Variants in MLH3 observed in about 807,000 individuals in gnomAD.
The protein encoded by MLH3 is mutL homolog 3.
In MLH3, 82 loss-of-function variants were observed where a neutral mutation model predicts 122.2. The observed-to-expected ratio is 0.67, with a 90% CI of 0.56 to 0.81. MLH3 has a LOEUF of 0.81. MLH3 is among the 30% of genes least tolerant of loss of function. The pLI, the probability that MLH3 is intolerant of heterozygous loss-of-function variation, is 0.00. For synonymous variants in MLH3, 524 were observed against 599.5 expected (o/e 0.87, Z 1.84); for missense variants, 1,539 against 1,714.5 (o/e 0.90, Z 1.81).
chr14:75,017,263 G>GATTACAGGTGTGAGTCACCTCGCCCAGC, intron 12 of MLH3, 62 bp from the exon 13 acceptor site: 1 of 1,562,606 alleles, frequency 6.4e-7, no homozygotes, highest in Non-Finnish European at 8.8e-7. Context: ...TACAGGCTGG[G>GATTACAGGTGTGAGTCACCTCGCCCAGC]CGAGGTGACT....
intron 9 of MLH3, among the ~76,000 whole-genome samples, chr14:75,028,711 C>T (rs1480604790): frequency 6.6e-6 from 1 of 151,690 alleles, no homozygotes; most frequent in Non-Finnish European, 1.5e-5. Flanking sequence ...AGCCACTGCA[C>T]CTGGCCTGAT....
At chr14:75,028,598 A>G (rs1890817370) in intron 9 of MLH3, among the ~76,000 whole-genome samples, 1 of 151,430 alleles carries the variant, frequency 6.6e-6, no homozygotes, top group South Asian at 2.1e-4. Context: ...TTTAATTTTT[A>G]GTAGAGACGG....
At chr14:75,036,543 G>C (rs1891425519) in intron 6 of MLH3, 1 of 391,854 alleles carries the variant, frequency 2.6e-6, no homozygotes, top group Non-Finnish European at 5.1e-6. Flanking sequence ...CAGCGTTTCA[G>C]CATGTTGGCC....
chr14:75,042,860 C>A (rs1057191739), intron 2 of MLH3, among the ~76,000 whole-genome samples: 2 of 151,810 alleles, frequency 1.3e-5, no homozygotes, highest in African/African-American at 4.8e-5. Flanking sequence ...ACTGCAACTT[C>A]CGCCTCCCGG....
intron 7 of MLH3, 24 bp downstream of exon 7, chr14:75,033,395 T>C: frequency 6.2e-7 from 1 of 1,611,586 alleles, no homozygotes; most frequent in Non-Finnish European, 8.5e-7. Context: ...CTCAAATTTT[T>C]TCTGGCTGCA....
In MLH3 at chr14:75,030,394, A is replaced by C. The variant is rs1291542595; in HGVS notation, c.3987+149T>G. The C allele has an allele frequency of 3.6e-6, 3 of 823,236 alleles. No homozygotes were observed. In the East Asian group the frequency reaches 7.3e-5, roughly 20 times the overall value. The allele number at this position is 823,236 out of a possible 1,614,324, so 51.0% of individuals were successfully genotyped here. A position where few individuals can be genotyped will look rare whatever the true frequency, so the allele number is the denominator to read the frequency against. ...ATGCCCTTCTTCCTTATTTTGAGCTAACTCATCTCTGAATTTCTAGCTCCT... is the reference window on the plus strand; with the variant it reads ...ATGCCCTTCTTCCTTATTTTGAGCTCACTCATCTCTGAATTTCTAGCTCCT... On this transcript the variant is annotated intron_variant, in intron 9 of 12. Coordinates refer to ENST00000355774, the MANE Select transcript of MLH3 (RefSeq NM_001040108.2).
chr14:75,022,123 A>G (rs911117218), intron 11 of MLH3, among the ~76,000 whole-genome samples: 2 of 152,200 alleles, frequency 1.3e-5, no homozygotes, highest in African/African-American at 4.8e-5. Context: ...TTGAATACAC[A>G]TAGAAACAAA....
Position 75,032,196 on chromosome 14 carries a change from G to C in MLH3, c.3716-17C>G. ...CGTAGGAATCTATTGGCAGAAAGAT[G>C]AATGGGTTAAGAGTAGGAAGGGAAG... On this transcript the variant is annotated splice_polypyrimidine_tract_variant and intron_variant, in intron 7 of 12. Transcript: ENST00000355774. The C allele has an allele frequency of 6.8e-7, 1 of 1,475,214 alleles. No homozygotes were observed. The allele number at this position is 1,475,214 out of a possible 1,614,324, so 91.4% of individuals were successfully genotyped here.
intron 5 of MLH3, among the ~76,000 whole-genome samples, chr14:75,039,291 C>T (rs1330964944): frequency 2.0e-5 from 3 of 152,150 alleles, no homozygotes; most frequent in Admixed American, 6.5e-5. Context: ...TCTGGATCAA[C>T]TGCTTGCCTG....
rs1214359374 is a variant in MLH3 at position 75,032,842 on chromosome 14, A to ATTTAAAAAGC, written c.3715+567_3715+576dup. ...GAGGAAAAGGGTAGCAAAAAAAAACATTTAAAAAGCATATATTGCTTTGGA... is the reference window on the plus strand; with the variant it reads ...GAGGAAAAGGGTAGCAAAAAAAAACATTTAAAAAGCTTTAAAAAGCATATATTGCTTTGGA... On this transcript the variant is annotated intron_variant, in intron 7 of 12. Coordinates refer to ENST00000355774, the MANE Select transcript of MLH3 (RefSeq NM_001040108.2). Among the ~76,000 whole-genome samples, 3 of 67,512 alleles carry ATTTAAAAAGC rather than the reference A, an allele frequency of 4.4e-5. No individual in the cohort carries two copies. In the Admixed American group the frequency reaches 6.2e-4, roughly 14 times the overall value. 44.3% of individuals were successfully genotyped at this position (67,512 alleles called of 152,430 possible).
In MLH3 at chr14:75,047,604, C is replaced by G. The variant is rs371344328; in HGVS notation, c.2052G>C (p.Glu684Asp). The G allele has an allele frequency of 1.9e-6, 3 of 1,613,942 alleles. No individual in the cohort carries two copies. In the African/African-American group the frequency reaches 4.0e-5, roughly 22 times the overall value. The change falls in exon 2 of 13, where the codon GAG becomes GAC. Residue 684 changes from glutamate to aspartate, a missense_variant. Physicochemically the swap from Glu to Asp is conservative, Grantham distance 45. Transcript: ENST00000355774. ...TTGTATAAGTTGCTGTAGGTTCATT[C>G]TCTAGCCCATAACTTATATTCGTTC... ...NCRTNISYGL[E>D]NEPTATYTMF...
At chr14:75,020,464 CCAGA>C (rs1363416759) in intron 11 of MLH3, among the ~76,000 whole-genome samples, 3 of 152,020 alleles carry the variant, frequency 2.0e-5, no homozygotes, top group African/African-American at 7.3e-5. Flanking sequence ...GAGGGAGGAG[CCAGA>C]CAGACTGAAT....
rs2139605993 is a variant in MLH3, at chr14:75,049,222, G to A, written c.434C>T (p.Thr145Ile). Residue 145 changes from threonine to isoleucine, a missense_variant, in exon 2 of 13, where the codon ACT becomes ATT. Transcript: ENST00000355774. Reference protein sequence around the residue: ...ADVTRASAGTTVTVYNLFYQL... With the variant: ...ADVTRASAGTIVTVYNLFYQL... ...GTAAAATAGGTTATACACTGTTACA[G>A]TAGTCCCAGCGCTTGCTCTAGTCAC... 6.2e-7 allele frequency: 1 copy of A among 1,614,184 alleles called. No individual in the cohort carries two copies. Among genetic ancestry groups the A allele is most frequent in the Non-Finnish European group, 8.5e-7 (1 of 1,180,024 alleles).
chr14:75,020,235 G>A lies in MLH3; in HGVS notation c.4091-1255C>T, dbSNP rs75931099. Among the ~76,000 whole-genome samples, 1,399 of 152,344 alleles carry A rather than the reference G, an allele frequency of 9.2e-3. 29 individuals are homozygous for A. Among genetic ancestry groups the A allele is most frequent in the African/African-American group, 0.032 (1,340 of 41,556 alleles). On this transcript the variant is annotated intron_variant, in intron 11 of 12. Transcript: ENST00000355774. ...ATATGACGTGACACTGGAGAGGCAGGCAGGGGCCAAATCACGAAGACCCTT... is the reference window on the plus strand; with the variant it reads ...ATATGACGTGACACTGGAGAGGCAGACAGGGGCCAAATCACGAAGACCCTT...
At chr14:75,025,385 T>A (rs1890564724) in intron 9 of MLH3, among the ~76,000 whole-genome samples, 1 of 152,254 alleles carries the variant, frequency 6.6e-6, no homozygotes, top group Non-Finnish European at 1.5e-5. Context: ...TTTCAGGCTC[T>A]ACTTCATAGC....
intron 8 of MLH3, among the ~76,000 whole-genome samples, chr14:75,031,504 T>C (rs945941028): frequency 1.3e-5 from 2 of 152,200 alleles, no homozygotes; most frequent in Non-Finnish European, 2.9e-5. Context: ...TCCTATACTC[T>C]TCAGCTGGGA....
rs774447968 is a variant in MLH3 at position 75,047,909 on chromosome 14, T to C, written c.1747A>G (p.Lys583Glu). 6 of 1,613,442 alleles carry C rather than the reference T, an allele frequency of 3.7e-6. No homozygotes were observed. The Admixed American group carries it at 5.0e-5, about 13-fold the overall frequency. The stretch of plus-strand genomic sequence containing the variant: ...CCACAATTGCTAGATTCTTTTTTTT[T>C]CTCTTTCTCTGTCTGAGCACTATGT... ...GVHSAQTEKE[K>E]KKESSNCGRR... is the part of the protein sequence containing the mutation. Residue 583 changes from lysine to glutamate, a missense_variant, in exon 2 of 13, where the codon AAA becomes GAA. By Grantham distance (56) the Lys-to-Glu change is moderately conservative. Transcript: ENST00000355774.
chr14:75,024,353 C>T (rs1235351839), intron 9 of MLH3, among the ~76,000 whole-genome samples: 1 of 151,956 alleles, frequency 6.6e-6, no homozygotes, highest in African/African-American at 2.4e-5. Context: ...AATCATGCAC[C>T]ACCACGCCTG....
In MLH3 at chr14:75,013,941, C is replaced by T. The variant is rs866423968; in HGVS notation, c.*3141G>A. The T allele has an allele frequency of 5.2e-5, 10 of 191,462 alleles. No homozygotes were observed. Among genetic ancestry groups the T allele is most frequent in the East Asian group, 3.3e-4 (4 of 12,118 alleles). The allele number at this position is 191,462 out of a possible 1,614,324, so 11.9% of individuals were successfully genotyped here. ...GATCGCGACTGGCCAGCATACTGGC[C>T]GGTTCTCTCTGTTAGCAGACTTTTG... On this transcript the variant is annotated 3_prime_UTR_variant, in exon 13 of 13. Coordinates refer to ENST00000355774, the MANE Select transcript of MLH3 (RefSeq NM_001040108.2).
Sources: allele counts gnomAD v4.1 joint callset (sites outside exome capture counted in the v4.1 genomes callset), GRCh38; gene constraint gnomAD v4.1.1; transcripts MANE v1.5; gene names NCBI Gene and HGNC (gene_info 2026-07-23, HGNC 2026-07-21).